The following TRMT11 variants were observed in gnomAD, a reference collection of about 807,000 sequenced individuals.
TRMT11 encodes the protein tRNA (guanine(10)-N(2))-methyltransferase TRMT11.
In TRMT11, 53 loss-of-function variants were observed where a neutral mutation model predicts 62.8. The ratio of observed to expected loss-of-function variants is 0.84; its 90% CI spans 0.68 to 1.06. The LOEUF is 1.06. TRMT11 is among the 50% of genes least tolerant of loss of function. TRMT11 has a pLI of 0.00. For synonymous variants in TRMT11, 188 were observed against 190.3 expected, an observed-to-expected ratio of 0.99 and a Z score of 0.10; for missense variants, 556 against 553.4, an observed-to-expected ratio of 1.00 and a Z score of -0.05.
intron 17 of TRMT11, among the ~76,000 whole-genome samples, chr6:126,100,074 CTT>C (rs1340801996): frequency 6.6e-6 from 1 of 152,120 alleles, no homozygotes; most frequent in East Asian, 1.9e-4. Context: ...CGGTGACACT[CTT>C]TGCATGCTTT....
At chr6:126,148,102 G>A (rs544357926) in intron 21 of TRMT11, among the ~76,000 whole-genome samples, 1 of 152,132 alleles carries the variant, frequency 6.6e-6, no homozygotes, top group Admixed American at 6.5e-5. Flanking sequence ...TTAGAAAGAG[G>A]TTAAATTAAA....
At chr6:126,081,952 T>G (rs1777163455) in intron 17 of TRMT11, among the ~76,000 whole-genome samples, 1 of 152,146 alleles carries the variant, frequency 6.6e-6, no homozygotes, top group South Asian at 2.1e-4. Context: ...CAAGTAATAA[T>G]TTTCCTTTTC....
At chr6:126,215,369 G>A in the TRMT11 span, among the ~76,000 whole-genome samples, 1 of 152,032 alleles carries the variant, frequency 6.6e-6, no homozygotes, top group East Asian at 1.9e-4. Flanking sequence ...AGGTGCTCCA[G>A]TGTTGGGTCC....
intron 17 of TRMT11, among the ~76,000 whole-genome samples, chr6:126,055,237 T>C (rs1325812714): frequency 6.6e-6 from 1 of 152,194 alleles, no homozygotes; most frequent in Non-Finnish European, 1.5e-5. Flanking sequence ...AGTGCTATGA[T>C]TACAGGCATG....
chr6:126,229,825 C>G, the TRMT11 span, among the ~76,000 whole-genome samples: 4 of 152,182 alleles, frequency 2.6e-5, no homozygotes, highest in African/African-American at 9.6e-5. Context: ...ATATTGTAGT[C>G]AAGGCAGTGG....
chr6:126,236,619 A>G, the TRMT11 span, among the ~76,000 whole-genome samples: 1 of 152,234 alleles, frequency 6.6e-6, no homozygotes, highest in Admixed American at 6.5e-5. Flanking sequence ...TATAAAGAGT[A>G]TAATGTTTAA....
chr6:126,037,752 A>G (rs1775451253), intron 12 of TRMT11, among the ~76,000 whole-genome samples: 1 of 152,068 alleles, frequency 6.6e-6, no homozygotes, highest in African/African-American at 2.4e-5. Context: ...TACTCATTTT[A>G]TACAGGCAAA....
chr6:126,014,982 T>A (rs1583719556), intron 11 of TRMT11, among the ~76,000 whole-genome samples: 1 of 152,176 alleles, frequency 6.6e-6, no homozygotes, highest in East Asian at 1.9e-4. Flanking sequence ...GATAAGAGTA[T>A]ATTTGTTCAT....
At chr6:126,123,379 C>T (rs1339306152) in intron 21 of TRMT11, among the ~76,000 whole-genome samples, 2 of 152,078 alleles carry the variant, frequency 1.3e-5, no homozygotes, top group Non-Finnish European at 2.9e-5. Flanking sequence ...AGTCAAGGAA[C>T]ACAGTGCGCT....
At chr6:126,268,151 C>G in the TRMT11 span, among the ~76,000 whole-genome samples, 3 of 152,126 alleles carry the variant, frequency 2.0e-5, no homozygotes, top group East Asian at 5.8e-4. Context: ...AAATACACAG[C>G]ACGTCCCTTC....
the TRMT11 span, among the ~76,000 whole-genome samples, chr6:126,265,343 T>G: frequency 6.6e-6 from 1 of 152,176 alleles, no homozygotes; most frequent in African/African-American, 2.4e-5. Context: ...TAAAATCTGC[T>G]GAAATTCTAA....
chr6:125,999,583 G>C lies in TRMT11; in HGVS notation c.649G>C (p.Asp217His), dbSNP rs748598529. ...TAACCATGGAAAAGTGAAAGAAAAT[G>C]ATATTGTCTTTGATCCATTTGTTGG... is the stretch of plus-strand genomic sequence containing the variant. Reference protein sequence around the residue: ...MANHGKVKENDIVFDPFVGTG... With the variant: ...MANHGKVKENHIVFDPFVGTG... Residue 217 changes from aspartate (D) to histidine (H), a missense_variant, in exon 7 of 13, where the codon GAT (aspartate) becomes CAT (histidine). By Grantham distance (81) the Asp-to-His change is moderately conservative. Transcript: ENST00000334379. The C allele has an allele frequency of 9.9e-6, 16 of 1,611,146 alleles. No homozygotes were observed. The highest frequency in any genetic ancestry group is 6.7e-5 in the African/African-American group (5 of 74,782).
intron 21 of TRMT11, among the ~76,000 whole-genome samples, chr6:126,119,522 C>T (rs1222915163): frequency 6.7e-6 from 1 of 148,788 alleles, no homozygotes; most frequent in Non-Finnish European, 1.5e-5. Flanking sequence ...AAACTGGTGG[C>T]TGTTGGGGAA....
chr6:126,072,216 G>C (rs190337457), intron 17 of TRMT11, among the ~76,000 whole-genome samples: 1 of 152,112 alleles, frequency 6.6e-6, no homozygotes, highest in African/African-American at 2.4e-5. Context: ...CTGAAAAATT[G>C]GTGGGCATTT....
the TRMT11 span, among the ~76,000 whole-genome samples, chr6:126,251,250 C>T: frequency 1.3e-5 from 2 of 151,790 alleles, no homozygotes; most frequent in South Asian, 2.1e-4. Context: ...AGGCTGGTCT[C>T]GAACTCCTGA....
intron 21 of TRMT11, among the ~76,000 whole-genome samples, chr6:126,135,086 A>G: frequency 6.6e-6 from 1 of 151,726 alleles, no homozygotes; most frequent in East Asian, 1.9e-4. Context: ...CCAGGTTACT[A>G]GAAAAGCAAG....
chr6:126,155,875 C>T (rs957372438), intron 21 of TRMT11, among the ~76,000 whole-genome samples: 1 of 152,076 alleles, frequency 6.6e-6, no homozygotes, highest in African/African-American at 2.4e-5. Context: ...TGCCCGCCAC[C>T]ATGCCCGGGT....
At chr6:126,271,677 T>G in the TRMT11 span, among the ~76,000 whole-genome samples, 1 of 152,282 alleles carries the variant, frequency 6.6e-6, no homozygotes, top group South Asian at 2.1e-4. Flanking sequence ...CATAAAACAT[T>G]GGGCATTCAG....
intron 1 of TRMT11, among the ~76,000 whole-genome samples, chr6:126,179,812 C>T (rs1256847478): frequency 2.0e-5 from 3 of 152,114 alleles, no homozygotes; most frequent in Non-Finnish European, 2.9e-5. Flanking sequence ...TTTCTGTTTT[C>T]TGAAATATTG....
Sources: allele counts gnomAD v4.1 joint callset (sites outside exome capture counted in the v4.1 genomes callset), GRCh38; gene constraint gnomAD v4.1.1; transcripts MANE v1.5; gene names NCBI Gene and HGNC (gene_info 2026-07-23, HGNC 2026-07-21).